GOLPH3: variants seen among roughly 807,000 people sequenced by gnomAD.
GOLPH3 encodes coat protein GPP34.
GOLPH3 carries 14 observed loss-of-function variants against 28.5 expected under a neutral mutation model. The observed-to-expected ratio is 0.49, with a 90% confidence interval of 0.32 to 0.77. The LOEUF is 0.77. GOLPH3 is among the 30% of genes least tolerant of loss of function. The pLI is 0.03. For synonymous variants in GOLPH3, 158 were observed against 159.2 expected, an observed-to-expected ratio of 0.99 and a Z score of 0.06; for missense variants, 350 against 393.7, an observed-to-expected ratio of 0.89 and a Z score of 0.94.
At chr5:32,135,950 A>C (rs1745923916) in intron 2 of GOLPH3, among the ~76,000 whole-genome samples, 1 of 152,148 alleles carries the variant, frequency 6.6e-6, no homozygotes, top group South Asian at 2.1e-4. Flanking sequence ...TGAGGCAAGC[A>C]GATCACTTGA....
chr5:32,160,680 T>A (rs972293108), intron 1 of GOLPH3, among the ~76,000 whole-genome samples: 1 of 152,198 alleles, frequency 6.6e-6, no homozygotes, highest in Admixed American at 6.5e-5. Flanking sequence ...AGAGTCTCAC[T>A]AGGCAGTAAG....
chr5:32,158,342 G>A (rs918443613), intron 1 of GOLPH3, among the ~76,000 whole-genome samples: 2 of 151,924 alleles, frequency 1.3e-5, no homozygotes, highest in African/African-American at 2.4e-5. Context: ...CTTTTGTCTC[G>A]TTACAGTGCA....
intron 1 of GOLPH3, among the ~76,000 whole-genome samples, chr5:32,148,752 G>A (rs555340679): frequency 2.4e-4 from 37 of 152,184 alleles, no homozygotes; most frequent in Non-Finnish European, 4.4e-4. Context: ...AGGCGAGATC[G>A]CGCCAATGCA....
At chr5:32,167,228 G>C (rs1746735432) in intron 1 of GOLPH3, among the ~76,000 whole-genome samples, 1 of 152,178 alleles carries the variant, frequency 6.6e-6, no homozygotes. Flanking sequence ...CTGGAGTGCA[G>C]TGGCGCAATC....
At chr5:32,140,022 A>T (rs1746021311) in intron 2 of GOLPH3, among the ~76,000 whole-genome samples, 1 of 152,204 alleles carries the variant, frequency 6.6e-6, no homozygotes, top group Non-Finnish European at 1.5e-5. Flanking sequence ...TTCTAGAAAA[A>T]GAGGGCAAAA....
chr5:32,154,044 CA>C (rs1746365290), intron 1 of GOLPH3, among the ~76,000 whole-genome samples: 1 of 152,116 alleles, frequency 6.6e-6, no homozygotes, highest in African/African-American at 2.4e-5. Context: ...ACACTGAAAC[CA>C]ACTTAGAAAA....
intron 2 of GOLPH3, among the ~76,000 whole-genome samples, chr5:32,137,717 G>A (rs1475381690): frequency 6.6e-6 from 1 of 152,090 alleles, no homozygotes; most frequent in Non-Finnish European, 1.5e-5. Flanking sequence ...AAATCCAGAG[G>A]GAGAGATGGG....
At chr5:32,161,440 A>C (rs2111887179) in intron 1 of GOLPH3, among the ~76,000 whole-genome samples, 3 of 150,856 alleles carry the variant, frequency 2.0e-5, no homozygotes, top group Admixed American at 2.0e-4. Flanking sequence ...AAAAAAAAAA[A>C]AACCAAAGCT....
intron 3 of GOLPH3, among the ~76,000 whole-genome samples, chr5:32,132,181 G>A (rs1048856226): frequency 6.6e-5 from 10 of 151,952 alleles, no homozygotes; most frequent in African/African-American, 2.2e-4. Flanking sequence ...AACAAAATAC[G>A]TAGTCTCTCG....
intron 1 of GOLPH3, among the ~76,000 whole-genome samples, chr5:32,148,332 C>A (rs1485248791): frequency 6.6e-6 from 1 of 152,190 alleles, no homozygotes; most frequent in Non-Finnish European, 1.5e-5. Context: ...AAACATACTA[C>A]GTTATATGAA....
chr5:32,163,712 G>C (rs1339066463), intron 1 of GOLPH3, among the ~76,000 whole-genome samples: 1 of 152,070 alleles, frequency 6.6e-6, no homozygotes, highest in East Asian at 1.9e-4. Flanking sequence ...CTGGCAAAGG[G>C]AATGAATGGC....
At chr5:32,154,289 C>T (rs1400157597) in intron 1 of GOLPH3, among the ~76,000 whole-genome samples, 1 of 152,096 alleles carries the variant, frequency 6.6e-6, no homozygotes, top group Non-Finnish European at 1.5e-5. Context: ...ATAAAATGCA[C>T]AGGATTATAA....
In GOLPH3 at chr5:32,174,161, G is replaced by A; in HGVS notation, c.-127C>T. 1 of 537,284 alleles carries A rather than the reference G, an allele frequency of 1.9e-6. No homozygotes were observed. Among genetic ancestry groups the A allele is most frequent in the Non-Finnish European group, 2.8e-6 (1 of 356,520 alleles). 33.3% of individuals were successfully genotyped at this position (537,284 alleles called of 1,614,324 possible). ...TCCGGACGCCGGGGCGACGTCCGTC[G>A]GCAGCAGGGCCGGGGGCAGTCATGA... is the stretch of plus-strand genomic sequence containing the variant. On this transcript the variant is annotated 5_prime_UTR_variant, in exon 1 of 4. Transcript: ENST00000265070.
intron 1 of GOLPH3, among the ~76,000 whole-genome samples, chr5:32,146,977 C>T (rs948142571): frequency 1.8e-4 from 27 of 151,946 alleles, no homozygotes; most frequent in Non-Finnish European, 3.1e-4. Context: ...GATTCAAAGC[C>T]GTAGGCCACC....
chr5:32,154,945 T>G (rs1746385558), intron 1 of GOLPH3, among the ~76,000 whole-genome samples: 1 of 151,998 alleles, frequency 6.6e-6, no homozygotes, highest in African/African-American at 2.4e-5. Flanking sequence ...TAGCCAGGCG[T>G]GGTGGCATGC....
intron 1 of GOLPH3, among the ~76,000 whole-genome samples, chr5:32,156,695 C>T (rs761294204): frequency 5.3e-5 from 8 of 152,152 alleles, no homozygotes; most frequent in Admixed American, 3.3e-4. Flanking sequence ...ATAAGGATCG[C>T]CTACCTTAGA....
At chr5:32,156,646 T>C (rs533359343) in intron 1 of GOLPH3, among the ~76,000 whole-genome samples, 3 of 152,294 alleles carry the variant, frequency 2.0e-5, no homozygotes, top group East Asian at 3.9e-4. Context: ...GATGAGCCTG[T>C]TCCACCTCAG....
intron 1 of GOLPH3, among the ~76,000 whole-genome samples, chr5:32,158,010 TAAATAAATA>T (rs1746471074): frequency 5.3e-5 from 4 of 75,616 alleles, no homozygotes; most frequent in Admixed American, 1.6e-4. Context: ...AATAAATAAA[TAAATAAATA>T]AAATACACAC....
At chr5:32,143,680 A>G in intron 2 of GOLPH3, 69 bp downstream of exon 2, 4 of 1,315,800 alleles carry the variant, frequency 3.0e-6, no homozygotes, top group Non-Finnish European at 4.2e-6. Flanking sequence ...TTTGAAGGCT[A>G]CTAGTAAAAA....
Sources: gnomAD v4.1 joint callset for allele counts (sites outside exome capture counted in the v4.1 genomes callset) on GRCh38, gnomAD v4.1.1 for gene constraint, MANE v1.5 for transcripts, NCBI Gene and HGNC (gene_info 2026-07-23, HGNC 2026-07-21) for gene names.